The following MYO5C variants were observed in gnomAD, a reference collection of about 807,000 sequenced individuals.
MYO5C encodes the protein myosin VC.
A neutral mutation model predicts 235.7 loss-of-function variants in MYO5C; 194 were observed. That is an observed-to-expected ratio of 0.82 (90% CI 0.73 to 0.93). The LOEUF is 0.93. Among genes scored for constraint, MYO5C ranks in the 40% least tolerant of loss-of-function variants. The pLI is 0.00. For synonymous variants in MYO5C, 707 were observed against 754.8 expected (o/e 0.94, Z 1.04); for missense variants, 2,038 against 2,127.2 (o/e 0.96, Z 0.82).
Position 52,251,403 on chromosome 15 carries a change from T to A in MYO5C, c.1649A>T (p.His550Leu), listed in dbSNP as rs767790992. 1.3e-6 allele frequency: 2 copies of A among 1,597,028 alleles called. No homozygotes were observed. The highest frequency in any genetic ancestry group is 1.7e-6 in the Non-Finnish European group (2 of 1,170,334). The change falls in exon 13 of 41, where the codon CAC becomes CTC. Residue 550 changes from histidine to leucine, a missense_variant. Transcript: ENST00000261839. ...CCTTCACGGTACCTTATCAGCAAAGTGCTGGATGACAAAGGATGTGTTTGA... is the reference window on the plus strand; with the variant it reads ...CCTTCACGGTACCTTATCAGCAAAGAGCTGGATGACAAAGGATGTGTTTGA... Reference protein sequence around the residue: ...RMSNTSFVIQHFADKVEYKCE... With the variant: ...RMSNTSFVIQLFADKVEYKCE...
rs566995834 is a variant in MYO5C at position 52,214,300 on chromosome 15, T to C, written c.4042+303A>G. Among the ~76,000 whole-genome samples, 75 of 152,328 alleles carry C rather than the reference T, an allele frequency of 4.9e-4. 1 individual carries two copies. The South Asian group carries it at 0.015, about 31-fold the overall frequency. ...GGAGAGAAGGTGAATTTCAAAGCAG[T>C]AAATTGAAAAATTGTTCACAATTTC... On this transcript the variant is annotated intron_variant, in intron 33 of 40. Coordinates refer to ENST00000261839, the MANE Select transcript of MYO5C (RefSeq NM_018728.4).
chr15:52,271,005 C>G (rs145249678), intron 7 of MYO5C, among the ~76,000 whole-genome samples: 12 of 152,124 alleles, frequency 7.9e-5, no homozygotes, highest in Non-Finnish European at 1.6e-4. Context: ...GACAAACAGC[C>G]CTATGTTTTA....
rs149864675 is a variant in MYO5C at position 52,198,606 on chromosome 15, G to C, written c.4821-2123C>G. 4.9e-3 allele frequency among the ~76,000 whole-genome samples: 742 copies of C among 152,138 alleles called. 18 individuals are homozygous for C. Among genetic ancestry groups the C allele is most frequent in the Admixed American group, 0.026 (396 of 15,288 alleles). On this transcript the variant is annotated intron_variant, in intron 38 of 40. Coordinates refer to ENST00000261839, the MANE Select transcript of MYO5C (RefSeq NM_018728.4). ...TTTGTTTTTTTGTTTGTTTGAGACA[G>C]AGTCTCACTCTGTTGCCCAGGCTGG...
chr15:52,218,542 A>G lies in MYO5C; in HGVS notation c.3931T>C (p.Ser1311Pro). Residue 1311 changes from serine to proline, a missense_variant, in exon 32 of 41, where the codon TCC becomes CCC. By Grantham distance (74) the Ser-to-Pro change is moderately conservative (BLOSUM62 -1). Coordinates refer to ENST00000261839, the MANE Select transcript of MYO5C (RefSeq NM_018728.4). ...ACCCTGTTTTCCAAAGTGAGCCGGGATGCTTCCTGCCGGAAGTTACACTTG... is the reference window on the plus strand; with the variant it reads ...ACCCTGTTTTCCAAAGTGAGCCGGGGTGCTTCCTGCCGGAAGTTACACTTG... ...EVKCNFRQEA[S>P]RLTLENRDLE... 6.2e-7 allele frequency: 1 copy of G among 1,614,210 alleles called. No homozygotes were observed. Among genetic ancestry groups the G allele is most frequent in the Non-Finnish European group, 8.5e-7 (1 of 1,180,034 alleles).
chr15:52,271,836 AT>A lies in MYO5C; in HGVS notation c.758del (p.Asn253MetfsTer45). 1.3e-6 allele frequency: 2 copies of A among 1,586,934 alleles called. No homozygotes were observed. Among genetic ancestry groups the A allele is most frequent in the Admixed American group, 1.7e-5 (1 of 58,328 alleles). Reference protein sequence around the residue: ...EKSRVVFQSENERNYHIFYQL... With the variant: ...EKSRVVFQSEXERNYHIFYQL... ...GATAGAAAATGTGGTAATTTCGTTCATTTTCCGACTGTAAGATAAAGAAATG... is the reference window on the plus strand; with the variant it reads ...GATAGAAAATGTGGTAATTTCGTTCATTTCCGACTGTAAGATAAAGAAATG... On this transcript the variant is annotated frameshift_variant, in exon 7 of 41. Transcript: ENST00000261839. LOFTEE classifies it high-confidence loss of function.
At chr15:52,293,451 G>A (rs953372764) in intron 1 of MYO5C, among the ~76,000 whole-genome samples, 2 of 151,972 alleles carry the variant, frequency 1.3e-5, no homozygotes, top group African/African-American at 4.8e-5. Flanking sequence ...CTCCCACCCT[G>A]CAAGGCACCT....
At chr15:52,259,617 C>T (rs1186524770) in intron 10 of MYO5C, among the ~76,000 whole-genome samples, 1 of 152,180 alleles carries the variant, frequency 6.6e-6, no homozygotes, top group East Asian at 1.9e-4. Context: ...TAACTGGCTG[C>T]TCAAACACTT....
In MYO5C at chr15:52,295,620, A is replaced by G. The variant is rs2037486580; in HGVS notation, c.17T>C (p.Leu6Pro). 1 of 1,487,586 alleles carries G rather than the reference A, an allele frequency of 6.7e-7. No homozygotes were observed. The highest frequency in any genetic ancestry group is 1.3e-5 in the South Asian group (1 of 77,536). The allele number at this position is 1,487,586 out of a possible 1,614,324, so 92.1% of individuals were successfully genotyped here. ...AGCGGACCCTCCTACCTGCGTGTAC[A>G]GCTCGGCCACCGCCATGGGCAGGAG... MAVAE[L>P]YTQYNRVWIP... Residue 6 changes from leucine to proline, a missense_variant, in exon 1 of 41, where the codon CTG becomes CCG. Coordinates refer to ENST00000261839, the MANE Select transcript of MYO5C (RefSeq NM_018728.4).
chr15:52,253,125 C>T (rs2036507205), intron 12 of MYO5C, among the ~76,000 whole-genome samples, 192 bp downstream of exon 12: 1 of 152,198 alleles, frequency 6.6e-6, no homozygotes, highest in Admixed American at 6.5e-5. Flanking sequence ...GCGTGGTCTA[C>T]ACAGGCTGAG....
chr15:52,240,878 T>C (rs1447702580), intron 20 of MYO5C, among the ~76,000 whole-genome samples: 2 of 152,218 alleles, frequency 1.3e-5, no homozygotes, highest in Non-Finnish European at 2.9e-5. Flanking sequence ...CGAATTAAGA[T>C]TGTGAAATCT....
rs374813244 is a variant in MYO5C at position 52,246,973 on chromosome 15, C to A, written c.1923G>T (p.Ala641=). 21 of 1,614,074 alleles carry A rather than the reference C, an allele frequency of 1.3e-5. No individual in the cohort carries two copies. In the South Asian group the frequency reaches 1.6e-4, roughly 13 times the overall value. Residue 641 remains alanine (A), a synonymous_variant, in exon 16 of 41, where the codon GCG becomes GCT. Coordinates refer to ENST00000261839, the MANE Select transcript of MYO5C (RefSeq NM_018728.4). ...TGCATCGAACGTAGTGGGGCGTCGT[C>A]GCATTGAGGGTCTCCATGAGCAAGT... ...SLYLLMETLN[A]TTPHYVRCIK...
chr15:52,276,931 C>T, intron 4 of MYO5C, among the ~76,000 whole-genome samples: 1 of 151,870 alleles, frequency 6.6e-6, no homozygotes, highest in East Asian at 1.9e-4. Flanking sequence ...TTAAGCTTCA[C>T]AAAAATCCTA....
intron 2 of MYO5C, among the ~76,000 whole-genome samples, chr15:52,282,422 T>C (rs1457603466): frequency 6.6e-6 from 1 of 152,236 alleles, no homozygotes; most frequent in Non-Finnish European, 1.5e-5. Flanking sequence ...AAGTTTTTCA[T>C]CTCTGCCCAA....
chr15:52,273,464 T>G (rs1012417365), intron 5 of MYO5C, among the ~76,000 whole-genome samples: 1 of 152,226 alleles, frequency 6.6e-6, no homozygotes, highest in Non-Finnish European at 1.5e-5. Context: ...CCTAACCCTA[T>G]GTATTGGTAT....
rs879195380 is a variant in MYO5C, at chr15:52,256,727, T to C, written c.1314-7A>G. ...CACATCAAAGGTTTCAAAACTGAAA[T>C]ACAATTTAAACAAGTTAAAATATAA... On this transcript the variant is annotated splice_region_variant and splice_polypyrimidine_tract_variant and intron_variant, in intron 10 of 40. Coordinates refer to ENST00000261839, the MANE Select transcript of MYO5C (RefSeq NM_018728.4). The C allele has an allele frequency of 1.2e-6, 2 of 1,605,286 alleles. No homozygotes were observed. Among genetic ancestry groups the C allele is most frequent in the Non-Finnish European group, 8.5e-7 (1 of 1,172,848 alleles).
At chr15:52,223,783 C>CCTCCCAGCAGTCCA in intron 28 of MYO5C, 59 bp from the exon 29 acceptor site, 1 of 1,497,704 alleles carries the variant, frequency 6.7e-7, no homozygotes, top group Non-Finnish European at 9.0e-7. Context: ...TTATGGACTG[C>CCTCCCAGCAGTCCA]TGGGAGGCAG....
chr15:52,240,483 A>G (rs1336026960), intron 20 of MYO5C, among the ~76,000 whole-genome samples: 1 of 143,644 alleles, frequency 7.0e-6, no homozygotes, highest in East Asian at 1.9e-4. Flanking sequence ...AGGCATGAGG[A>G]TCCCTTTAGT....
At chr15:52,219,578 G>T (rs1052696026) in intron 31 of MYO5C, among the ~76,000 whole-genome samples, 181 bp downstream of exon 31, 1 of 152,234 alleles carries the variant, frequency 6.6e-6, no homozygotes, top group Admixed American at 6.5e-5. Flanking sequence ...CAGAGATGCT[G>T]CTGCTGCTGA....
chr15:52,196,472 C>T lies in MYO5C; in HGVS notation c.4832G>A (p.Ser1611Asn), dbSNP rs1443639301. Residue 1611 changes from serine (S) to asparagine (N), a missense_variant, in exon 39 of 41, where the codon AGC becomes AAC. Ser to Asn is a conservative substitution (Grantham distance 46). Transcript: ENST00000261839. Reference sequence around the variant, plus strand: ...ATCTTTAAGCCATTCTTCTAAGTAGCTGATATTGCACCTGGAGGGAAAGGC... The same window carrying T: ...ATCTTTAAGCCATTCTTCTAAGTAGTTGATATTGCACCTGGAGGGAAAGGC... ...RKGMQIRCNI[S>N]YLEEWLKDKN... The T allele has an allele frequency of 1.2e-6, 2 of 1,612,978 alleles. No homozygotes were observed. Among genetic ancestry groups the T allele is most frequent in the Non-Finnish European group, 1.7e-6 (2 of 1,179,582 alleles).
Sources: gnomAD v4.1 joint callset for allele counts (sites outside exome capture counted in the v4.1 genomes callset) on GRCh38, gnomAD v4.1.1 for gene constraint, MANE v1.5 for transcripts, NCBI Gene and HGNC (gene_info 2026-07-23, HGNC 2026-07-21) for gene names.